PDE9A: variants seen among roughly 807,000 people sequenced by gnomAD.
PDE9A encodes the protein high affinity cGMP-specific 3',5'-cyclic phosphodiesterase 9A.
A neutral mutation model predicts 87.4 loss-of-function variants in PDE9A; 60 were observed. That is an observed-to-expected ratio of 0.69 (90% CI 0.56 to 0.85). The LOEUF is 0.85. Among genes scored for constraint, PDE9A ranks in the 40% least tolerant of loss-of-function variants. PDE9A has a pLI of 0.00. For synonymous variants in PDE9A, 272 were observed against 279.4 expected (o/e 0.97, Z 0.27); for missense variants, 665 against 779.0 (o/e 0.85, Z 1.74).
At position 42,768,923 on chromosome 21, in the gene PDE9A, G is replaced by T; in HGVS notation, c.1462-104G>T. ...TGAGACACATTTGTGGTGTGGTTTG[G>T]TTGGTTGGTGGTTAACTGGCGCATC... is the stretch of plus-strand genomic sequence containing the variant. On this transcript the variant is annotated intron_variant, in intron 16 of 19. Transcript: ENST00000291539. The T allele has an allele frequency of 4.0e-6, 6 of 1,509,230 alleles. No individual in the cohort carries two copies. In the South Asian group the frequency reaches 7.9e-5, roughly 20 times the overall value. The allele number at this position is 1,509,230 out of a possible 1,614,324, so 93.5% of individuals were successfully genotyped here.
chr21:42,744,531 G>C (rs538148273), intron 8 of PDE9A, among the ~76,000 whole-genome samples: 1 of 152,254 alleles, frequency 6.6e-6, no homozygotes, highest in African/African-American at 2.4e-5. Context: ...GCCTCCTGTT[G>C]CCCCCAGGGA....
In PDE9A at chr21:42,751,175, G is replaced by T. The variant is rs113340993; in HGVS notation, c.713G>T (p.Arg238Leu). ...AACCACAAGAAGTTGACTCCTCGAC[G>T]CGATGTTCCCACTTACCCCAAGGTA... ...LDNHKKLTPR[R>L]DVPTYPKYLL... The change falls in exon 9 of 20, where the codon CGC becomes CTC. Residue 238 changes from arginine to leucine, a missense_variant. Coordinates refer to ENST00000291539, the MANE Select transcript of PDE9A (RefSeq NM_002606.3). The T allele has an allele frequency of 5.6e-6, 9 of 1,612,464 alleles. No homozygotes were observed. The highest frequency in any genetic ancestry group is 7.6e-6 in the Non-Finnish European group (9 of 1,178,566).
At chr21:42,754,387 C>T (rs116478460) in intron 10 of PDE9A, among the ~76,000 whole-genome samples, 2,175 of 152,248 alleles carry the variant, frequency 0.014, 54 homozygotes, top group African/African-American at 0.05. Flanking sequence ...TCATGCACGC[C>T]GGTGGCAGCC....
chr21:42,748,505 T>C (rs1463099437), intron 8 of PDE9A, among the ~76,000 whole-genome samples: 1 of 152,250 alleles, frequency 6.6e-6, no homozygotes, highest in Non-Finnish European at 1.5e-5. Flanking sequence ...CACCGAAGCC[T>C]CTTTTTCCAG....
At chr21:42,700,657 C>G (rs13049942) in intron 4 of PDE9A, 98,238 of 152,090 alleles carry the variant, frequency 0.65, 32,418 homozygotes, top group East Asian at 0.94. Flanking sequence ...CACCCAAACA[C>G]AGGAGAGAAA....
chr21:42,726,624 A>ATATATATATATATATATTTTTTTT, intron 4 of PDE9A, among the ~76,000 whole-genome samples: 3 of 19,778 alleles, frequency 1.5e-4, no homozygotes, highest in African/African-American at 3.4e-4. Context: ...ATATATATAT[A>ATATATATATATATATATTTTTTTT]TTTTTTTTTT....
At chr21:42,714,789 G>A (rs1256521847) in intron 4 of PDE9A, among the ~76,000 whole-genome samples, 223 of 104,714 alleles carry the variant, frequency 2.1e-3, no homozygotes, top group Admixed American at 3.4e-3. Context: ...GATATGGTTG[G>A]GGTTAGCTCT....
At position 42,751,119 on chromosome 21, in the gene PDE9A, C is replaced by CA. The variant is rs1569245084; in HGVS notation, c.659dup (p.Asn220LysfsTer5). 1 of 1,603,250 alleles carries CA rather than the reference C, an allele frequency of 6.2e-7. No individual in the cohort carries two copies. ...CATCTCTGCTCCTTCTCTCTAGGAC[C>CA]AACTGCCCCTGTAAGTACAGTTTTT... On this transcript the variant is annotated frameshift_variant, in exon 9 of 20. Coordinates refer to ENST00000291539, the MANE Select transcript of PDE9A (RefSeq NM_002606.3). LOFTEE classifies it high-confidence loss of function.
At chr21:42,698,479 G>T (rs182875620) in intron 3 of PDE9A, among the ~76,000 whole-genome samples, 2 of 152,072 alleles carry the variant, frequency 1.3e-5, no homozygotes, top group Admixed American at 1.3e-4. Flanking sequence ...TCCCCATCAC[G>T]CTGGGCCTCG....
intron 14 of PDE9A, among the ~76,000 whole-genome samples, chr21:42,765,008 TG>T (rs1175165785): frequency 1.9e-4 from 27 of 142,698 alleles, no homozygotes; most frequent in Middle Eastern, 3.4e-3. Flanking sequence ...GATGGATGGA[TG>T]GATGGATGGA....
At chr21:42,765,556 A>G (rs751223260) in intron 15 of PDE9A, 62 bp downstream of exon 15, 3 of 861,098 alleles carry the variant, frequency 3.5e-6, no homozygotes. Flanking sequence ...CAGGTCATCC[A>G]TCCAGCTCAC....
chr21:42,706,976 C>G (rs34993132), intron 4 of PDE9A, among the ~76,000 whole-genome samples: 5,220 of 152,270 alleles, frequency 0.034, 135 homozygotes, highest in African/African-American at 0.064. Context: ...TGGCTGCGTC[C>G]TGTGGCTGCA....
At chr21:42,661,167 G>A (rs1005470579) in intron 1 of PDE9A, among the ~76,000 whole-genome samples, 1 of 151,936 alleles carries the variant, frequency 6.6e-6, no homozygotes, top group East Asian at 1.9e-4. Flanking sequence ...GAGTAGCTGG[G>A]ACTACAGGCG....
At chr21:42,689,878 T>G (rs2059692691) in intron 3 of PDE9A, 1 of 958,314 alleles carries the variant, frequency 1.0e-6, no homozygotes, top group African/African-American at 1.8e-5. Flanking sequence ...ATGGAGAAGA[T>G]GGAGACACAC....
intron 4 of PDE9A, among the ~76,000 whole-genome samples, chr21:42,727,481 G>C (rs1319828919): frequency 7.1e-6 from 1 of 140,826 alleles, no homozygotes; most frequent in African/African-American, 2.7e-5. Context: ...ATGCCACCAC[G>C]CCTGGCTATT....
chr21:42,677,852 A>G (rs2058941093), intron 1 of PDE9A, among the ~76,000 whole-genome samples: 1 of 152,214 alleles, frequency 6.6e-6, no homozygotes, highest in Admixed American at 6.5e-5. Flanking sequence ...CACACTGGCC[A>G]GGCTGGGCTC....
At chr21:42,751,011 C>T (rs2054360268) in intron 8 of PDE9A, 105 bp from the exon 9 acceptor site, 1 of 785,328 alleles carries the variant, frequency 1.3e-6, no homozygotes, top group African/African-American at 1.7e-5. Context: ...CAAATAAGAC[C>T]ACACGGGGCT....
chr21:42,770,881 C>A, intron 18 of PDE9A, 83 bp downstream of exon 18: 1 of 1,068,036 alleles, frequency 9.4e-7, no homozygotes. Context: ...GAAGCTTGGA[C>A]GTGCCAAGCA....
chr21:42,762,386 C>A, intron 14 of PDE9A, 147 bp downstream of exon 14: 1 of 784,792 alleles, frequency 1.3e-6, no homozygotes, highest in Non-Finnish European at 2.0e-6. Context: ...CCTTCCTCAC[C>A]TCCTCCAGGG....
Sources: allele counts gnomAD v4.1 joint callset (sites outside exome capture counted in the v4.1 genomes callset), GRCh38; gene constraint gnomAD v4.1.1; transcripts MANE v1.5; gene names NCBI Gene and HGNC (gene_info 2026-07-23, HGNC 2026-07-21).